Variants in SCAF11 observed in about 807,000 individuals in gnomAD.
The protein encoded by SCAF11 is protein SCAF11.
Under a neutral mutation model 140.5 loss-of-function variants are expected in SCAF11, and 47 were observed. The observed-to-expected ratio is 0.33, with a 90% CI of 0.26 to 0.43. The LOEUF (loss-of-function observed/expected upper bound fraction) is 0.43, where lower values mean the gene tolerates loss of function less well. SCAF11 is among the 20% of genes least tolerant of loss of function. SCAF11 has a pLI of 1.00. For missense variants in SCAF11, 1,645 were observed against 1,705.1 expected (o/e 0.96, Z 0.62); for synonymous variants, 557 against 579.4 (o/e 0.96, Z 0.55).
chr12:45,981,772 G>A (rs1338305399), intron 1 of SCAF11, among the ~76,000 whole-genome samples: 2 of 151,992 alleles, frequency 1.3e-5, no homozygotes, highest in African/African-American at 4.8e-5. Flanking sequence ...TCCAGCCAGG[G>A]GACAGAGTGA....
chr12:45,953,055 T>C (rs1280748866), intron 3 of SCAF11, among the ~76,000 whole-genome samples: 2 of 152,196 alleles, frequency 1.3e-5, no homozygotes, highest in East Asian at 3.8e-4. Flanking sequence ...CTTTCTCTTT[T>C]AAGTGGGCTT....
intron 2 of SCAF11, among the ~76,000 whole-genome samples, chr12:45,963,142 T>G (rs1374710721): frequency 6.6e-6 from 1 of 151,992 alleles, no homozygotes; most frequent in Non-Finnish European, 1.5e-5. Flanking sequence ...AGAAATGAGG[T>G]TACAGAACGG....
chr12:45,950,064 C>A (rs926353775), intron 4 of SCAF11, among the ~76,000 whole-genome samples: 2 of 152,072 alleles, frequency 1.3e-5, no homozygotes, highest in African/African-American at 4.8e-5. Context: ...TACATACATA[C>A]CCACAAGAGA....
chr12:45,933,289 C>G, intron 8 of SCAF11, 57 bp from the exon 9 acceptor site: 1 of 1,238,090 alleles, frequency 8.1e-7, no homozygotes, highest in Non-Finnish European at 1.2e-6. Context: ...TTCAAAAAAA[C>G]AATTAGGTTG....
intron 13 of SCAF11, 91 bp from the exon 14 acceptor site, chr12:45,922,673 C>T: frequency 8.2e-7 from 1 of 1,217,504 alleles, no homozygotes; most frequent in Non-Finnish European, 1.1e-6. Flanking sequence ...TTCATATTTA[C>T]AATAAGAGAC....
intron 13 of SCAF11, 51 bp downstream of exon 13, chr12:45,922,885 C>T: frequency 2.0e-6 from 3 of 1,508,670 alleles, no homozygotes; most frequent in South Asian, 1.1e-5. Context: ...GATATTTTTT[C>T]TCCTTTATCA....
Position 45,951,632 on chromosome 12 carries a change from C to G in SCAF11, c.297+18G>C. The G allele has an allele frequency of 1.4e-6, 2 of 1,472,642 alleles. No homozygotes were observed. Among genetic ancestry groups the G allele is most frequent in the Non-Finnish European group, 1.9e-6 (2 of 1,079,546 alleles). 91.2% of individuals were successfully genotyped at this position (1,472,642 alleles called of 1,614,324 possible). A position where few individuals can be genotyped will look rare whatever the true frequency, so the allele number is the denominator to read the frequency against. On this transcript the variant is annotated intron_variant, in intron 4 of 14. Transcript: ENST00000369367. ...ATTAATTTTTATATAATTCATGTTG[C>G]AGAATAAAAAGACTTACCTTAACAT...
intron 1 of SCAF11, among the ~76,000 whole-genome samples, chr12:45,972,919 TAG>T (rs1479726750): frequency 4.6e-5 from 4 of 86,256 alleles, no homozygotes; most frequent in African/African-American, 1.2e-4. Flanking sequence ...GATATATATA[TAG>T]ATATATAGAT....
chr12:45,988,870 C>T (rs1946524154), intron 1 of SCAF11, among the ~76,000 whole-genome samples: 1 of 152,106 alleles, frequency 6.6e-6, no homozygotes, highest in African/African-American at 2.4e-5. Flanking sequence ...AATGCAGCTA[C>T]CCTAAGAACT....
intron 10 of SCAF11, chr12:45,929,402 C>G (rs1370026421): frequency 1.3e-5 from 2 of 152,302 alleles, no homozygotes; most frequent in African/African-American, 2.4e-5. Context: ...AAGTGATCTG[C>G]CTGCCTCGGC....
chr12:45,971,416 T>C (rs984647387), intron 1 of SCAF11, among the ~76,000 whole-genome samples: 8 of 152,192 alleles, frequency 5.3e-5, no homozygotes, highest in Non-Finnish European at 1.0e-4. Context: ...ACAGAATGAA[T>C]GGAGCAGCTA....
At chr12:45,925,126 G>T in intron 11 of SCAF11, 52 bp from the exon 12 acceptor site, 1 of 1,420,036 alleles carries the variant, frequency 7.0e-7, no homozygotes, top group Non-Finnish European at 9.6e-7. Flanking sequence ...AATCTCTTTA[G>T]ACAGAGAAAC....
intron 3 of SCAF11, among the ~76,000 whole-genome samples, chr12:45,953,343 GATT>G (rs1374342764): frequency 6.6e-6 from 1 of 152,152 alleles, no homozygotes; most frequent in Non-Finnish European, 1.5e-5. Flanking sequence ...TTTCTTAAGA[GATT>G]ATATTAATGC....
chr12:45,923,888 T>C (rs1267860264), intron 12 of SCAF11, among the ~76,000 whole-genome samples: 1 of 151,956 alleles, frequency 6.6e-6, no homozygotes, highest in Non-Finnish European at 1.5e-5. Context: ...TCTTGCTCTG[T>C]CACCCAGGCT....
intron 1 of SCAF11, among the ~76,000 whole-genome samples, chr12:45,985,977 C>G (rs1946451366): frequency 6.6e-6 from 1 of 152,144 alleles, no homozygotes; most frequent in Non-Finnish European, 1.5e-5. Context: ...GTTTCTGTAA[C>G]ACCCCACTCA....
intron 1 of SCAF11, among the ~76,000 whole-genome samples, chr12:45,968,371 T>G (rs960303374): frequency 2.0e-5 from 3 of 152,218 alleles, no homozygotes; most frequent in Non-Finnish European, 4.4e-5. Context: ...TGATCTAACA[T>G]ACTTCTATCG....
upstream of SCAF11, among the ~76,000 whole-genome samples, chr12:45,990,931 T>G (rs1302480815): frequency 2.0e-5 from 3 of 152,248 alleles, no homozygotes; most frequent in African/African-American, 4.8e-5. Flanking sequence ...CGCGTGGACT[T>G]TGGCCTCTGC....
chr12:45,969,213 C>A (rs1020069332), intron 1 of SCAF11, among the ~76,000 whole-genome samples: 1 of 152,184 alleles, frequency 6.6e-6, no homozygotes, highest in Non-Finnish European at 1.5e-5. Flanking sequence ...AATGTACATT[C>A]CATTTTAACA....
At chr12:45,972,163 T>C (rs1008136621) in intron 1 of SCAF11, among the ~76,000 whole-genome samples, 3 of 151,990 alleles carry the variant, frequency 2.0e-5, no homozygotes, top group South Asian at 2.1e-4. Context: ...GTAGCGCATA[T>C]TGAAAAAGTA....
Sources: gnomAD v4.1 joint callset for allele counts (sites outside exome capture counted in the v4.1 genomes callset) on GRCh38, gnomAD v4.1.1 for gene constraint, MANE v1.5 for transcripts, NCBI Gene and HGNC (gene_info 2026-07-23, HGNC 2026-07-21) for gene names.